Variants in FXN observed in about 807,000 individuals in gnomAD.
FXN encodes the protein frataxin.
Under a neutral mutation model 22.4 loss-of-function variants are expected in FXN, and 14 were observed. The observed-to-expected ratio is 0.62, with a 90% CI of 0.41 to 0.98. FXN has a LOEUF of 0.98. Ranked by LOEUF, FXN falls within the 50% of genes least tolerant of loss-of-function variation. FXN has a pLI of 0.00. For missense variants in FXN, 267 were observed against 268.4 expected, an observed-to-expected ratio of 0.99 and a Z score of 0.04; for synonymous variants, 120 against 114.1, an observed-to-expected ratio of 1.05 and a Z score of -0.33.
At position 69,074,628 on chromosome 9, in the gene FXN, A is replaced by T; in HGVS notation, c.*1866A>T. On this transcript the variant is annotated 3_prime_UTR_variant, in exon 5 of 5. Coordinates refer to ENST00000484259, the MANE Select transcript of FXN (RefSeq NM_000144.5). ...CATTCCATTAAGTCAAGCTGGGAGC[A>T]GTGGCATATACCTATAGTCCCAGCT... 1 of 985,238 alleles carries T rather than the reference A, an allele frequency of 1.0e-6. No individual in the cohort carries two copies. The highest frequency in any genetic ancestry group is 4.7e-5 in the South Asian group (1 of 21,270). 61.0% of individuals were successfully genotyped at this position (985,238 alleles called of 1,614,324 possible). A position where few individuals can be genotyped will look rare whatever the true frequency, so the allele number is the denominator to read the frequency against.
At chr9:69,057,969 T>C (rs749866327) in intron 3 of FXN, among the ~76,000 whole-genome samples, 2 of 152,212 alleles carry the variant, frequency 1.3e-5, no homozygotes, top group African/African-American at 2.4e-5. Context: ...GCCAAGTACA[T>C]AGTAGGGACT....
At chr9:69,055,418 A>G (rs192451134) in intron 3 of FXN, among the ~76,000 whole-genome samples, 1 of 152,214 alleles carries the variant, frequency 6.6e-6, no homozygotes, top group East Asian at 1.9e-4. Flanking sequence ...GTTTGACCAG[A>G]GTACTTTGCA....
At chr9:69,069,731 C>T (rs942058967) in intron 4 of FXN, among the ~76,000 whole-genome samples, 12 of 152,210 alleles carry the variant, frequency 7.9e-5, no homozygotes, top group African/African-American at 2.7e-4. Context: ...TGATGCTGCC[C>T]GCTCTGCCTG....
rs1587832473 is a variant in FXN, at chr9:69,072,842, G to T, written c.*80G>T. On this transcript the variant is annotated 3_prime_UTR_variant, in exon 5 of 5. Coordinates refer to ENST00000484259, the MANE Select transcript of FXN (RefSeq NM_000144.5). Reference sequence around the variant, plus strand: ...ATTATGCAGCTGAGGTCTGTTTTTTGTTGTTGTTGTTGTTTATTTTTTTTA... The same window carrying T: ...ATTATGCAGCTGAGGTCTGTTTTTTTTTGTTGTTGTTGTTTATTTTTTTTA... The T allele has an allele frequency of 7.3e-6, 4 of 546,252 alleles. No individual in the cohort carries two copies. Among genetic ancestry groups the T allele is most frequent in the African/African-American group, 3.8e-5 (1 of 26,660 alleles). 33.8% of individuals were successfully genotyped at this position (546,252 alleles called of 1,614,324 possible).
In FXN at chr9:69,048,000, G is replaced by A. The variant is rs972285855; in HGVS notation, c.263+1518G>A. 3.3e-5 allele frequency among the ~76,000 whole-genome samples: 5 copies of A among 152,286 alleles called. No homozygotes were observed. The East Asian group carries it at 5.8e-4, about 18-fold the overall frequency. Reference sequence around the variant, plus strand: ...CCCAAAGTGCTGGGATTACTGGCATGAGCCACTGCGCCCAGCCCAGACTCA... The same window carrying A: ...CCCAAAGTGCTGGGATTACTGGCATAAGCCACTGCGCCCAGCCCAGACTCA... On this transcript the variant is annotated intron_variant, in intron 2 of 4. Coordinates refer to ENST00000484259, the MANE Select transcript of FXN (RefSeq NM_000144.5).
In FXN at chr9:69,074,878, A is replaced by G; in HGVS notation, c.*2116A>G. 1 of 985,476 alleles carries G rather than the reference A, an allele frequency of 1.0e-6. No individual in the cohort carries two copies. Among genetic ancestry groups the G allele is most frequent in the South Asian group, 4.7e-5 (1 of 21,294 alleles). The allele number at this position is 985,476 out of a possible 1,614,324, so 61.0% of individuals were successfully genotyped here. On this transcript the variant is annotated 3_prime_UTR_variant, in exon 5 of 5. Coordinates refer to ENST00000484259, the MANE Select transcript of FXN (RefSeq NM_000144.5). ...TAGGCCAGTGCCAGTGAGAAAATAA[A>G]TAACATCATACATGTTTGTATGTGT...
chr9:69,059,008 C>A (rs1832015753), intron 3 of FXN, among the ~76,000 whole-genome samples: 1 of 151,874 alleles, frequency 6.6e-6, no homozygotes, highest in Non-Finnish European at 1.5e-5. Context: ...GCGGAGCTTG[C>A]AGTGAGCCAG....
chr9:69,050,151 A>T (rs1454559855), intron 2 of FXN, among the ~76,000 whole-genome samples: 1 of 152,212 alleles, frequency 6.6e-6, no homozygotes, highest in Non-Finnish European at 1.5e-5. Context: ...AAGTATAAAC[A>T]TGTTTGTGTA....
chr9:69,070,802 GTT>G (rs58208957), intron 4 of FXN, among the ~76,000 whole-genome samples: 6 of 146,454 alleles, frequency 4.1e-5, no homozygotes, highest in African/African-American at 1.0e-4. Context: ...TTTTTGTTTT[GTT>G]TTTTTTTTCT....
chr9:69,073,552 G>C lies in FXN; in HGVS notation c.*790G>C. ...TAACAAACAAAATCATGGAGCTGAG[G>C]AGGTGCCTTGTAAACATGAAGGGGC... is the stretch of plus-strand genomic sequence containing the variant. On this transcript the variant is annotated 3_prime_UTR_variant, in exon 5 of 5. Coordinates refer to ENST00000484259, the MANE Select transcript of FXN (RefSeq NM_000144.5). 1 of 985,452 alleles carries C rather than the reference G, an allele frequency of 1.0e-6. No homozygotes were observed. Among genetic ancestry groups the C allele is most frequent in the Non-Finnish European group, 1.2e-6 (1 of 829,966 alleles). The allele number at this position is 985,452 out of a possible 1,614,324, so 61.0% of individuals were successfully genotyped here.
chr9:69,075,761 C>T lies in FXN; in HGVS notation c.*2999C>T. ...CTTTCTATTTTTTGAGACAGGATCT[C>T]ACTTTGGCACTCAGGCTGGAGGACA... On this transcript the variant is annotated 3_prime_UTR_variant, in exon 5 of 5. Coordinates refer to ENST00000484259, the MANE Select transcript of FXN (RefSeq NM_000144.5). 1 of 948,718 alleles carries T rather than the reference C, an allele frequency of 1.1e-6. No homozygotes were observed. The highest frequency in any genetic ancestry group is 1.3e-6 in the Non-Finnish European group (1 of 796,632). The allele number at this position is 948,718 out of a possible 1,614,324, so 58.8% of individuals were successfully genotyped here.
At chr9:69,037,290 G>GAAGAAGAAGAAGAAGAAGA (rs1286714983) in intron 1 of FXN, among the ~76,000 whole-genome samples, 1 of 136,980 alleles carries the variant, frequency 7.3e-6, no homozygotes, top group African/African-American at 2.7e-5. Context: ...AAAAAAAGAA[G>GAAGAAGAAGAAGAAGAAGA]AAGAAGAAGA....
intron 2 of FXN, among the ~76,000 whole-genome samples, chr9:69,048,898 G>C (rs1326520080): frequency 6.6e-6 from 1 of 152,210 alleles, no homozygotes; most frequent in Non-Finnish European, 1.5e-5. Flanking sequence ...TGCGGTGTCT[G>C]TTCATTGACT....
chr9:69,036,376 C>T (rs1201420814), intron 1 of FXN, among the ~76,000 whole-genome samples: 4 of 152,168 alleles, frequency 2.6e-5, no homozygotes, highest in Non-Finnish European at 5.9e-5. Flanking sequence ...CTGTATATAG[C>T]GTGTGTGTTG....
At position 69,078,932 on chromosome 9, in the gene FXN, G is replaced by T; in HGVS notation, c.*6170G>T. On this transcript the variant is annotated 3_prime_UTR_variant, in exon 5 of 5. Coordinates refer to ENST00000484259, the MANE Select transcript of FXN (RefSeq NM_000144.5). Reference sequence around the variant, plus strand: ...TTGGCTGTACCTTCCATGAGGCTAGGACTATGTGTCTCCTTTGTTGACTGC... The same window carrying T: ...TTGGCTGTACCTTCCATGAGGCTAGTACTATGTGTCTCCTTTGTTGACTGC... The T allele has an allele frequency of 1.0e-6, 1 of 973,864 alleles. No individual in the cohort carries two copies. The highest frequency in any genetic ancestry group is 1.1e-4 in the East Asian group (1 of 8,762). 60.3% of individuals were successfully genotyped at this position (973,864 alleles called of 1,614,324 possible). A position where few individuals can be genotyped will look rare whatever the true frequency, so the allele number is the denominator to read the frequency against.
At chr9:69,039,249 C>A (rs1417328544) in intron 1 of FXN, among the ~76,000 whole-genome samples, 1 of 151,116 alleles carries the variant, frequency 6.6e-6, no homozygotes, top group Non-Finnish European at 1.5e-5. Flanking sequence ...GAGCGAGACT[C>A]CGTCTCAAAA....
At chr9:69,042,349 C>T (rs896657993) in intron 1 of FXN, among the ~76,000 whole-genome samples, 15 of 152,062 alleles carry the variant, frequency 9.9e-5, no homozygotes, top group African/African-American at 3.6e-4. Flanking sequence ...GGAAGTTTGC[C>T]TCTCACCTAG....
At chr9:69,060,511 C>T (rs1327352197) in intron 3 of FXN, among the ~76,000 whole-genome samples, 2 of 152,182 alleles carry the variant, frequency 1.3e-5, no homozygotes, top group African/African-American at 4.8e-5. Context: ...CTCAGATTGT[C>T]TAAGGAATAA....
At chr9:69,058,852 A>G (rs981687427) in intron 3 of FXN, among the ~76,000 whole-genome samples, 2 of 152,120 alleles carry the variant, frequency 1.3e-5, no homozygotes, top group African/African-American at 4.8e-5. Context: ...GCAGATCATG[A>G]GGTCAGGAGA....
Sources: allele counts gnomAD v4.1 joint callset (sites outside exome capture counted in the v4.1 genomes callset), GRCh38; gene constraint gnomAD v4.1.1; transcripts MANE v1.5; gene names NCBI Gene and HGNC (gene_info 2026-07-23, HGNC 2026-07-21).